The following PLCL1 variants were observed in gnomAD, a reference collection of about 807,000 sequenced individuals.
PLCL1 encodes inactive phospholipase C-like protein 1.
In PLCL1, 41 loss-of-function variants were observed where a neutral mutation model predicts 84.4. The ratio of observed to expected loss-of-function variants is 0.49; its 90% CI spans 0.38 to 0.63. The LOEUF (loss-of-function observed/expected upper bound fraction) is 0.63. Among genes scored for constraint, PLCL1 ranks in the 30% least tolerant of loss-of-function variants. PLCL1 has a pLI of 0.00. For missense variants in PLCL1, 1,206 were observed against 1,367.8 expected (o/e 0.88, Z 1.87); for synonymous variants, 490 against 488.3 (o/e 1.00, Z -0.05).
At chr2:198,144,483 T>C (rs905081516) in intron 5 of PLCL1, among the ~76,000 whole-genome samples, 1 of 152,180 alleles carries the variant, frequency 6.6e-6, no homozygotes, top group African/African-American at 2.4e-5. Context: ...ACCAAGATAC[T>C]TATTATATAT....
At chr2:197,966,500 A>G (rs1195229707) in intron 1 of PLCL1, among the ~76,000 whole-genome samples, 2 of 152,056 alleles carry the variant, frequency 1.3e-5, no homozygotes, top group Non-Finnish European at 2.9e-5. Flanking sequence ...TTTTGCCTGT[A>G]TTGCTTTCTG....
At chr2:198,048,836 C>G (rs1182225208) in intron 1 of PLCL1, among the ~76,000 whole-genome samples, 2 of 152,204 alleles carry the variant, frequency 1.3e-5, no homozygotes, top group Non-Finnish European at 2.9e-5. Flanking sequence ...GCCCCACCTC[C>G]CATTACCACT....
At chr2:197,957,101 C>T (rs1365161169) in intron 1 of PLCL1, among the ~76,000 whole-genome samples, 2 of 152,040 alleles carry the variant, frequency 1.3e-5, no homozygotes, top group Non-Finnish European at 2.9e-5. Flanking sequence ...ATAATCAAGT[C>T]AAGCCCAACT....
chr2:197,983,349 C>T (rs1358538928), intron 1 of PLCL1, among the ~76,000 whole-genome samples: 1 of 151,382 alleles, frequency 6.6e-6, no homozygotes, highest in Non-Finnish European at 1.5e-5. Flanking sequence ...CTCATCTCAG[C>T]CTCCTGAGTA....
chr2:197,923,210 A>ACC (rs779755923), intron 1 of PLCL1, among the ~76,000 whole-genome samples: 2 of 102,708 alleles, frequency 1.9e-5, no homozygotes, highest in African/African-American at 3.9e-5. Context: ...CGGGGGGCTG[A>ACC]CCCCCCACCT....
intron 1 of PLCL1, among the ~76,000 whole-genome samples, chr2:197,959,746 AAAC>A (rs1559056773): frequency 6.6e-6 from 1 of 152,072 alleles, no homozygotes; most frequent in African/African-American, 2.4e-5. Flanking sequence ...TTGGGAAAAA[AAAC>A]AACAACAAAC....
At chr2:197,951,837 G>A (rs1689396333) in intron 1 of PLCL1, among the ~76,000 whole-genome samples, 1 of 152,064 alleles carries the variant, frequency 6.6e-6, no homozygotes, top group Non-Finnish European at 1.5e-5. Flanking sequence ...ACGTGACTGA[G>A]GAACATGAAC....
chr2:198,079,902 G>A (rs1271896734), intron 1 of PLCL1, among the ~76,000 whole-genome samples: 1 of 152,182 alleles, frequency 6.6e-6, no homozygotes, highest in East Asian at 1.9e-4. Flanking sequence ...ACAGAGGCAT[G>A]ACAATGCACT....
chr2:198,015,454 A>G (rs1168696970), intron 1 of PLCL1, among the ~76,000 whole-genome samples: 1 of 152,166 alleles, frequency 6.6e-6, no homozygotes, highest in Non-Finnish European at 1.5e-5. Flanking sequence ...AAGTTTTTTG[A>G]CCTAGATTTA....
At chr2:197,954,955 T>C (rs913824436) in intron 1 of PLCL1, among the ~76,000 whole-genome samples, 2 of 152,078 alleles carry the variant, frequency 1.3e-5, no homozygotes, top group African/African-American at 4.8e-5. Context: ...AGAATTATCA[T>C]CCTGGAATTA....
chr2:198,082,979 A>G (rs928979054), intron 1 of PLCL1, among the ~76,000 whole-genome samples: 2 of 152,186 alleles, frequency 1.3e-5, no homozygotes, highest in African/African-American at 4.8e-5. Context: ...ACTTCCAGAA[A>G]TGGCATTTAC....
At chr2:197,993,229 C>T (rs939942747) in intron 1 of PLCL1, among the ~76,000 whole-genome samples, 3 of 152,098 alleles carry the variant, frequency 2.0e-5, no homozygotes, top group South Asian at 2.1e-4. Flanking sequence ...TATCTCATTG[C>T]GGTTTTGATT....
chr2:197,965,453 T>C (rs1171352654), intron 1 of PLCL1, among the ~76,000 whole-genome samples: 1 of 152,140 alleles, frequency 6.6e-6, no homozygotes, highest in Non-Finnish European at 1.5e-5. Flanking sequence ...TTCTGTCTTT[T>C]TTTCTTAATC....
At chr2:197,936,866 T>C (rs915348957) in intron 1 of PLCL1, among the ~76,000 whole-genome samples, 2 of 152,188 alleles carry the variant, frequency 1.3e-5, no homozygotes, top group African/African-American at 2.4e-5. Flanking sequence ...TAGACCAATG[T>C]CACGTAGCTT....
At chr2:198,055,521 G>GT (rs1553514865) in intron 1 of PLCL1, among the ~76,000 whole-genome samples, 5,276 of 144,854 alleles carry the variant, frequency 0.036, 292 homozygotes, top group African/African-American at 0.13. Flanking sequence ...CTTTTATTTT[G>GT]TTTTTTTTTT....
chr2:197,854,984 A>G (rs1207411619), intron 1 of PLCL1, among the ~76,000 whole-genome samples: 1 of 152,212 alleles, frequency 6.6e-6, no homozygotes, highest in Non-Finnish European at 1.5e-5. Flanking sequence ...ATTCTTTTGG[A>G]TAACTGAAAT....
In PLCL1 at chr2:198,132,659, G is replaced by A. The variant is rs548832225; in HGVS notation, c.3106-14121G>A. Among the ~76,000 whole-genome samples, 4 of 152,222 alleles carry A rather than the reference G, an allele frequency of 2.6e-5. No homozygotes were observed. The South Asian group carries it at 8.3e-4, about 32-fold the overall frequency. On this transcript the variant is annotated intron_variant, in intron 5 of 5. Transcript: ENST00000428675. ...GTTGAATGGGTTTGGTGAATGTATG[G>A]TGAATTTTTTCCAGGCATATATACT...
At chr2:198,004,396 T>C (rs1690677406) in intron 1 of PLCL1, among the ~76,000 whole-genome samples, 1 of 152,180 alleles carries the variant, frequency 6.6e-6, no homozygotes, top group African/African-American at 2.4e-5. Context: ...GAATTTGTCA[T>C]TTGGGGGTAC....
intron 1 of PLCL1, among the ~76,000 whole-genome samples, chr2:197,886,185 G>A (rs1687918682): frequency 6.6e-6 from 1 of 152,022 alleles, no homozygotes; most frequent in African/African-American, 2.4e-5. Context: ...GCTGAGGCGG[G>A]CGGATCACTT....
Sources: gnomAD v4.1 joint callset for allele counts (sites outside exome capture counted in the v4.1 genomes callset) on GRCh38, gnomAD v4.1.1 for gene constraint, MANE v1.5 for transcripts, NCBI Gene and HGNC (gene_info 2026-07-23, HGNC 2026-07-21) for gene names.